Variants in PRKCA observed in about 807,000 individuals in gnomAD.
The protein encoded by PRKCA is protein kinase C alpha.
PRKCA carries 27 observed loss-of-function variants against 87.0 expected under a neutral mutation model. That is an observed-to-expected ratio of 0.31 (90% confidence interval 0.23 to 0.43). The LOEUF is 0.43. Ranked by LOEUF, PRKCA falls within the 20% of genes least tolerant of loss-of-function variation. PRKCA has a pLI of 1.00. For missense variants in PRKCA, 518 were observed against 852.3 expected (o/e 0.61, Z 4.88); for synonymous variants, 329 against 311.1 (o/e 1.06, Z -0.61).
At chr17:66,585,890 AAT>A (rs1257677547) in intron 3 of PRKCA, among the ~76,000 whole-genome samples, 2 of 152,192 alleles carry the variant, frequency 1.3e-5, no homozygotes, top group Non-Finnish European at 2.9e-5. Context: ...GCAGGAACTC[AAT>A]ATGTGTCCTT....
intron 3 of PRKCA, chr17:66,640,955 G>A: frequency 2.8e-6 from 1 of 353,102 alleles, no homozygotes; most frequent in Non-Finnish European, 5.5e-6. Flanking sequence ...GAGGTCAGGA[G>A]TTCGAGACCA....
Position 66,694,339 on chromosome 17 carries a change from G to A in PRKCA, c.918+5292G>A, listed in dbSNP as rs1014990381. On this transcript the variant is annotated intron_variant, in intron 8 of 16. Transcript: ENST00000413366. ...CTACCAAAAATACAAAAAATTAGCC[G>A]GGCATAGTGGCGGGCGCCTGTAATC... Among the ~76,000 whole-genome samples, 10 of 151,946 alleles carry A rather than the reference G, an allele frequency of 6.6e-5. No individual in the cohort carries two copies. The East Asian group carries it at 1.4e-3, about 21-fold the overall frequency.
chr17:66,576,056 G>T (rs1320812914), intron 3 of PRKCA, among the ~76,000 whole-genome samples: 1 of 152,228 alleles, frequency 6.6e-6, no homozygotes, highest in African/African-American at 2.4e-5. Flanking sequence ...GGAGGTTGCA[G>T]TGAGCCGAGA....
At chr17:66,685,083 C>T (rs1972590212) in intron 5 of PRKCA, among the ~76,000 whole-genome samples, 1 of 152,152 alleles carries the variant, frequency 6.6e-6, no homozygotes, top group Non-Finnish European at 1.5e-5. Flanking sequence ...GGCCTCCAAC[C>T]CTATAGATTC....
chr17:66,368,453 C>G (rs1358383805), intron 2 of PRKCA, among the ~76,000 whole-genome samples: 3 of 124,498 alleles, frequency 2.4e-5, no homozygotes, highest in African/African-American at 9.3e-5. Flanking sequence ...TGCAGTGGTG[C>G]GATCTCGACT....
At chr17:66,632,664 T>A (rs1598830645) in intron 3 of PRKCA, among the ~76,000 whole-genome samples, 1 of 152,224 alleles carries the variant, frequency 6.6e-6, no homozygotes, top group Non-Finnish European at 1.5e-5. Context: ...AAAGTCATTA[T>A]ATTTTATGTC....
intron 5 of PRKCA, among the ~76,000 whole-genome samples, chr17:66,668,740 T>A (rs1200768439): frequency 6.6e-6 from 1 of 152,114 alleles, no homozygotes; most frequent in Non-Finnish European, 1.5e-5. Flanking sequence ...GAGAACATAT[T>A]TGAATATAGA....
chr17:66,420,971 G>A (rs1401944694), intron 2 of PRKCA, among the ~76,000 whole-genome samples: 1 of 152,206 alleles, frequency 6.6e-6, no homozygotes, highest in Admixed American at 6.5e-5. Flanking sequence ...CTAGCTTGTT[G>A]ATAATGCATT....
At chr17:66,472,383 C>A (rs982277343) in intron 2 of PRKCA, among the ~76,000 whole-genome samples, 4 of 152,180 alleles carry the variant, frequency 2.6e-5, no homozygotes, top group Non-Finnish European at 5.9e-5. Flanking sequence ...CACAGCCCAC[C>A]CGCCTCTGCA....
intron 1 of PRKCA, 60 bp from the exon 2 acceptor site, chr17:66,306,036 A>T (rs986186900): frequency 6.5e-7 from 1 of 1,532,096 alleles, no homozygotes; most frequent in Non-Finnish European, 9.0e-7. Flanking sequence ...TAACTTGTTT[A>T]AAATATGCTA....
intron 3 of PRKCA, among the ~76,000 whole-genome samples, chr17:66,621,863 T>G (rs1462053450): frequency 6.6e-6 from 1 of 152,166 alleles, no homozygotes; most frequent in African/African-American, 2.4e-5. Context: ...ATAGCAGGAT[T>G]TTGCAGCTAA....
intron 3 of PRKCA, among the ~76,000 whole-genome samples, chr17:66,559,916 A>C (rs1487237746): frequency 6.6e-6 from 1 of 152,164 alleles, no homozygotes; most frequent in Non-Finnish European, 1.5e-5. Flanking sequence ...TTTGCTATTT[A>C]TAGTGTTTTC....
intron 2 of PRKCA, among the ~76,000 whole-genome samples, chr17:66,353,409 G>T (rs1017265023): frequency 6.6e-6 from 1 of 152,016 alleles, no homozygotes; most frequent in African/African-American, 2.4e-5. Flanking sequence ...TTTCCCTTCC[G>T]ACTTCTGTTT....
At chr17:66,352,764 A>T (rs936328540) in intron 2 of PRKCA, among the ~76,000 whole-genome samples, 3 of 151,590 alleles carry the variant, frequency 2.0e-5, no homozygotes, top group Admixed American at 6.6e-5. Context: ...GGGTTTCACC[A>T]TGTTGACCAG....
intron 2 of PRKCA, among the ~76,000 whole-genome samples, chr17:66,476,177 G>T (rs904690704): frequency 2.6e-5 from 4 of 152,214 alleles, no homozygotes; most frequent in African/African-American, 9.6e-5. Context: ...TGGGATTACA[G>T]GTGTGAGTCA....
intron 5 of PRKCA, among the ~76,000 whole-genome samples, chr17:66,671,550 T>C (rs1195506772): frequency 1.3e-5 from 2 of 152,218 alleles, no homozygotes; most frequent in Non-Finnish European, 2.9e-5. Context: ...GGTAACAGAT[T>C]AAACTGCCCA....
At chr17:66,505,617 G>T (rs966729156) in intron 3 of PRKCA, among the ~76,000 whole-genome samples, 1 of 152,046 alleles carries the variant, frequency 6.6e-6, no homozygotes, top group Admixed American at 6.6e-5. Flanking sequence ...AGATTGTCTC[G>T]GGAGGCAGAC....
At chr17:66,479,146 A>T (rs531074233) in intron 2 of PRKCA, among the ~76,000 whole-genome samples, 1 of 152,338 alleles carries the variant, frequency 6.6e-6, no homozygotes, top group Admixed American at 6.5e-5. Context: ...AATATCCAAC[A>T]TCTATAAGGA....
intron 8 of PRKCA, among the ~76,000 whole-genome samples, chr17:66,728,277 G>A (rs898795200): frequency 6.6e-5 from 10 of 152,186 alleles, no homozygotes; most frequent in Non-Finnish European, 1.5e-4. Flanking sequence ...CTCTGGGCCA[G>A]GCCACTGAGA....
Sources: allele counts gnomAD v4.1 joint callset (sites outside exome capture counted in the v4.1 genomes callset), GRCh38; gene constraint gnomAD v4.1.1; transcripts MANE v1.5; gene names NCBI Gene and HGNC (gene_info 2026-07-23, HGNC 2026-07-21).